PCDHGB6: variants seen among roughly 807,000 people sequenced by gnomAD.
The protein encoded by PCDHGB6 is protocadherin gamma subfamily B, 6, also known as protocadherin gamma-B6.
PCDHGB6 carries 51 observed loss-of-function variants against 59.1 expected under a neutral mutation model. The ratio of observed to expected loss-of-function variants is 0.86; its 90% confidence interval spans 0.69 to 1.09. PCDHGB6 has a LOEUF of 1.09. PCDHGB6 is among the 50% of genes least tolerant of loss of function. The pLI is 0.00. For synonymous variants in PCDHGB6, 466 were observed against 495.1 expected (o/e 0.94, Z 0.78); for missense variants, 1,148 against 1,205.1 (o/e 0.95, Z 0.70).
At chr5:141,463,265 A>G (rs2099055701) in intron 1 of PCDHGB6, among the ~76,000 whole-genome samples, 1 of 151,998 alleles carries the variant, frequency 6.6e-6, no homozygotes, top group African/African-American at 2.4e-5. Flanking sequence ...ACTCTATCCC[A>G]TAAATTCTGG....
chr5:141,511,560 TC>T lies in PCDHGB6; in HGVS notation c.*390del. ...CCACCCCACTCCAACAGTTCCTCTT[TC>T]CCGAGTAAGGTGGTTGGGGTGTTGA... On this transcript the variant is annotated 3_prime_UTR_variant, in exon 4 of 4. Transcript: ENST00000520790. 3.3e-6 allele frequency: 1 copy of T among 298,990 alleles called. No individual in the cohort carries two copies. The highest frequency in any genetic ancestry group is 3.7e-5 in the South Asian group (1 of 27,250). The allele number at this position is 298,990 out of a possible 1,614,324, so 18.5% of individuals were successfully genotyped here. A position where few individuals can be genotyped will look rare whatever the true frequency, so the allele number is the denominator to read the frequency against.
At position 141,485,833 on chromosome 5, in the gene PCDHGB6, G is replaced by A. The variant is rs780944737; in HGVS notation, c.2419-8974G>A. 64 of 1,613,904 alleles carry A rather than the reference G, an allele frequency of 4.0e-5. No homozygotes were observed. Among genetic ancestry groups the A allele is most frequent in the Non-Finnish European group, 2.5e-6 (3 of 1,180,004 alleles). On this transcript the variant is annotated intron_variant, in intron 1 of 3. Coordinates refer to ENST00000520790, the MANE Select transcript of PCDHGB6 (RefSeq NM_018926.3). This position sits in a 1 kb window ranked among gnomAD's most constrained non-coding sequence, Gnocchi z 5.7. Reference sequence around the variant, plus strand: ...TGACTGCTGTCGATGGAGGGAACCCGCCGAGATCTGGCACCGCAGAGCTCC... The same window carrying A: ...TGACTGCTGTCGATGGAGGGAACCCACCGAGATCTGGCACCGCAGAGCTCC...
chr5:141,418,016 G>C (rs772945671), intron 1 of PCDHGB6: 1 of 1,613,968 alleles, frequency 6.2e-7, no homozygotes, highest in Non-Finnish European at 8.5e-7. Context: ...CCTCGCTAAG[G>C]ATCTAGGGCT....
Position 141,431,228 on chromosome 5 carries a change from GC to G in PCDHGB6, c.2418+20610del. The G allele has an allele frequency of 6.2e-7, 1 of 1,614,118 alleles. No homozygotes were observed. Among genetic ancestry groups the G allele is most frequent in the Non-Finnish European group, 8.5e-7 (1 of 1,180,030 alleles). On this transcript the variant is annotated intron_variant, in intron 1 of 3. Transcript: ENST00000520790. This position sits in a 1 kb window ranked among gnomAD's most constrained non-coding sequence, Gnocchi z 4.8. ...TGAGATGCGGTTCCCTCTACCCCAC[GC>G]CTGGGATCCGGATATCGGGAAGAAC...
chr5:141,460,097 G>A (rs2098982102), intron 1 of PCDHGB6, among the ~76,000 whole-genome samples: 2 of 151,812 alleles, frequency 1.3e-5, no homozygotes, highest in African/African-American at 2.4e-5. Context: ...AATTATACAT[G>A]TAATTATATA....
intron 1 of PCDHGB6, chr5:141,420,568 T>C (rs2096507107): frequency 8.5e-6 from 2 of 235,080 alleles, no homozygotes; most frequent in African/African-American, 2.3e-5. Flanking sequence ...CGGCATGGTA[T>C]TTTAATTGAA....
At chr5:141,471,078 T>C (rs1370939177) in intron 1 of PCDHGB6, among the ~76,000 whole-genome samples, 1 of 142,250 alleles carries the variant, frequency 7.0e-6, no homozygotes, top group Non-Finnish European at 1.5e-5. Context: ...AGACAGGGTC[T>C]CCCTCTGTTG....
At position 141,410,526 on chromosome 5, in the gene PCDHGB6, C is replaced by T; in HGVS notation, c.2324C>T (p.Ser775Phe). 2.5e-6 allele frequency: 4 copies of T among 1,613,920 alleles called. No individual in the cohort carries two copies. The highest frequency in any genetic ancestry group is 3.4e-6 in the Non-Finnish European group (4 of 1,179,900). ...CTAAAATGCAGTGTGCCCCTACATTCCAATGAAGACATGGTTTGCAGTGTT... is the reference window on the plus strand; with the variant it reads ...CTAAAATGCAGTGTGCCCCTACATTTCAATGAAGACATGGTTTGCAGTGTT... ...NFLKCSVPLH[S>F]NEDMVCSVSP... Residue 775 changes from serine to phenylalanine, a missense_variant, in exon 1 of 4, where the codon TCC (serine) becomes TTC (phenylalanine). By Grantham distance (155) the Ser-to-Phe change is radical. Transcript: ENST00000520790.
intron 1 of PCDHGB6, among the ~76,000 whole-genome samples, chr5:141,474,417 C>CCATT (rs1206525105): frequency 6.6e-6 from 1 of 152,222 alleles, no homozygotes; most frequent in East Asian, 1.9e-4. Context: ...GATGCCTAGA[C>CCATT]CATTGGTCCT....
At chr5:141,469,104 C>G (rs1046234848) in intron 1 of PCDHGB6, among the ~76,000 whole-genome samples, 3 of 151,760 alleles carry the variant, frequency 2.0e-5, no homozygotes, top group Middle Eastern at 3.2e-3. Flanking sequence ...AAGCAAGAAC[C>G]TGTCTCTAAA....
Position 141,487,291 on chromosome 5 carries a change from C to T in PCDHGB6, c.2419-7516C>T, listed in dbSNP as rs748961925. The stretch of plus-strand genomic sequence containing the variant: ...TGGCAATTTGCTTTGTCTCCTTTGG[C>T]TCATTCGTGGCACTACTCTCTAAGT... On this transcript the variant is annotated intron_variant, in intron 1 of 3. Transcript: ENST00000520790. This position sits in a 1 kb window ranked among gnomAD's most constrained non-coding sequence, Gnocchi z 5.0. The T allele has an allele frequency of 1.9e-5, 30 of 1,614,036 alleles. No homozygotes were observed. Among genetic ancestry groups the T allele is most frequent in the Non-Finnish European group, 2.5e-5 (30 of 1,180,020 alleles).
chr5:141,489,405 G>A lies in PCDHGB6; in HGVS notation c.2419-5402G>A. ...ATGTTGCTCAGGATCTGGGCTTAAA[G>A]ATGACAGATCTGTTGAGCCGGCGGC... On this transcript the variant is annotated intron_variant, in intron 1 of 3. Transcript: ENST00000520790. This position sits in a 1 kb window ranked among gnomAD's most constrained non-coding sequence, Gnocchi z 4.5. The A allele has an allele frequency of 1.2e-6, 2 of 1,614,204 alleles. No individual in the cohort carries two copies. The highest frequency in any genetic ancestry group is 2.2e-5 in the South Asian group (2 of 91,088).
Position 141,409,620 on chromosome 5 carries a change from A to C in PCDHGB6, c.1418A>C (p.Gln473Pro). The change falls in exon 1 of 4, where the codon CAA becomes CCA. Residue 473 changes from glutamine to proline, a missense_variant. By Grantham distance (76) the Gln-to-Pro change is moderately conservative (BLOSUM62 -1). Around this residue, in one of 5 missense-constraint regions of PCDHGB6, gnomAD observed 549 missense variants for 527.5 expected, o/e 1.04. Transcript: ENST00000520790. ...ENNPPGASIA[Q>P]VSASDPDLGL... ...AACCCGCCAGGAGCCTCCATTGCGC[A>C]AGTGAGCGCCTCTGACCCGGATTTG... 2 of 1,613,876 alleles carry C rather than the reference A, an allele frequency of 1.2e-6. No individual in the cohort carries two copies. The highest frequency in any genetic ancestry group is 1.7e-6 in the Non-Finnish European group (2 of 1,179,888).
At chr5:141,470,236 T>C (rs1232874196) in intron 1 of PCDHGB6, among the ~76,000 whole-genome samples, 1 of 152,210 alleles carries the variant, frequency 6.6e-6, no homozygotes, top group African/African-American at 2.4e-5. Context: ...ACCAAACCCT[T>C]GAATGTCCCA....
rs1441791773 is a variant in PCDHGB6, at chr5:141,486,038, G to A, written c.2419-8769G>A. The A allele has an allele frequency of 1.9e-6, 3 of 1,614,066 alleles. No individual in the cohort carries two copies. The highest frequency in any genetic ancestry group is 1.1e-5 in the South Asian group (1 of 91,088). On this transcript the variant is annotated intron_variant, in intron 1 of 3. Coordinates refer to ENST00000520790, the MANE Select transcript of PCDHGB6 (RefSeq NM_018926.3). The surrounding 1 kb of genome is among the most constrained non-coding windows in gnomAD (Gnocchi z 5.0). ...TTTCAGTGGTCATACCCCTGATCGT[G>A]TAAGAAACCTCTTTAGCCTGCACCC...
chr5:141,419,540 C>A (rs999461892), intron 1 of PCDHGB6: 4 of 1,612,018 alleles, frequency 2.5e-6, no homozygotes. Flanking sequence ...CAACGCACCG[C>A]GGGTGCTGTA....
chr5:141,482,995 G>A (rs1395482427), intron 1 of PCDHGB6, among the ~76,000 whole-genome samples: 1 of 152,048 alleles, frequency 6.6e-6, no homozygotes, highest in Non-Finnish European at 1.5e-5. Flanking sequence ...CGAGGCAGGA[G>A]AATTGCTTGA....
intron 1 of PCDHGB6, chr5:141,427,902 C>G: frequency 6.4e-7 from 1 of 1,573,742 alleles, no homozygotes; most frequent in South Asian, 1.1e-5. Flanking sequence ...CTCGCCCGCG[C>G]TCAGCGCCAA....
At position 141,485,565 on chromosome 5, in the gene PCDHGB6, C is replaced by T. The variant is rs1213821989; in HGVS notation, c.2419-9242C>T. The T allele has an allele frequency of 2.5e-6, 4 of 1,612,946 alleles. No homozygotes were observed. Among genetic ancestry groups the T allele is most frequent in the Non-Finnish European group, 2.5e-6 (3 of 1,179,042 alleles). On this transcript the variant is annotated intron_variant, in intron 1 of 3. Coordinates refer to ENST00000520790, the MANE Select transcript of PCDHGB6 (RefSeq NM_018926.3). The surrounding 1 kb of genome is among the most constrained non-coding windows in gnomAD (Gnocchi z 5.7). ...ATCGTAGATGTGAATGATCACGCCCCCCGTTTTCCGCGGCAGCAGCTGGAC... is the reference window on the plus strand; with the variant it reads ...ATCGTAGATGTGAATGATCACGCCCTCCGTTTTCCGCGGCAGCAGCTGGAC...
Sources: gnomAD v4.1 joint callset for allele counts (sites outside exome capture counted in the v4.1 genomes callset) on GRCh38, gnomAD v4.1.1 for gene constraint, gnomAD v4.1.1 regional missense constraint, Gnocchi (gnomAD v3.1) non-coding constraint, MANE v1.5 for transcripts, NCBI Gene and HGNC (gene_info 2026-07-23, HGNC 2026-07-21) for gene names.